NNT: variants seen among roughly 807,000 people sequenced by gnomAD.
NNT encodes NAD(P) transhydrogenase, mitochondrial.
A neutral mutation model predicts 104.8 loss-of-function variants in NNT; 50 were observed. The observed-to-expected ratio is 0.48, with a 90% CI of 0.38 to 0.60. The LOEUF (loss-of-function observed/expected upper bound fraction) is 0.60, where lower values mean the gene tolerates loss of function less well. Among genes scored for constraint, NNT ranks in the 20% least tolerant of loss-of-function variants. NNT has a pLI of 0.00. For synonymous variants in NNT, 461 were observed against 490.4 expected (o/e 0.94, Z 0.79); for missense variants, 1,131 against 1,330.7 (o/e 0.85, Z 2.33).
chr5:43,612,249 A>C (rs1749539598), intron 2 of NNT, among the ~76,000 whole-genome samples: 1 of 152,164 alleles, frequency 6.6e-6, no homozygotes, highest in Non-Finnish European at 1.5e-5. Flanking sequence ...TTGAGTAGTC[A>C]CTGGCCAACA....
intron 13 of NNT, among the ~76,000 whole-genome samples, chr5:43,652,108 A>T (rs1470249061): frequency 6.6e-6 from 1 of 152,222 alleles, no homozygotes; most frequent in Non-Finnish European, 1.5e-5. Flanking sequence ...GAGTTTAAAT[A>T]TGGGTTTATG....
chr5:43,616,125 C>A (rs543850648), intron 4 of NNT, 60 bp downstream of exon 4: 3 of 1,304,628 alleles, frequency 2.3e-6, no homozygotes, highest in Non-Finnish European at 2.2e-6. Flanking sequence ...AACCTTCACA[C>A]TGTAGCTCTT....
chr5:43,603,908 A>G (rs2111728550), intron 1 of NNT, among the ~76,000 whole-genome samples: 1 of 152,086 alleles, frequency 6.6e-6, no homozygotes, highest in East Asian at 1.9e-4. Context: ...GGAGGAAGAG[A>G]CAGCGGAGAG....
At chr5:43,616,167 G>A (rs950405169) in intron 4 of NNT, 102 bp downstream of exon 4, 2 of 984,846 alleles carry the variant, frequency 2.0e-6, no homozygotes, top group Admixed American at 2.6e-5. Flanking sequence ...TGTAATTATT[G>A]TTGGAGATTA....
chr5:43,697,850 C>T (rs955945324), intron 19 of NNT, among the ~76,000 whole-genome samples: 3 of 152,134 alleles, frequency 2.0e-5, no homozygotes, highest in African/African-American at 7.2e-5. Context: ...TTCACTATCA[C>T]GAGACCAGCA....
chr5:43,625,952 C>T (rs1283906064), intron 6 of NNT, among the ~76,000 whole-genome samples: 1 of 152,020 alleles, frequency 6.6e-6, no homozygotes, highest in East Asian at 1.9e-4. Context: ...AACAGTAGAT[C>T]ATGAAGATCT....
intron 19 of NNT, 149 bp from the exon 20 acceptor site, chr5:43,699,970 T>C (rs759956509): frequency 3.8e-6 from 2 of 531,056 alleles, no homozygotes; most frequent in Non-Finnish European, 6.8e-6. Flanking sequence ...ATATCTGGAC[T>C]ACTGCTGTTT....
chr5:43,704,972 C>T lies in NNT; in HGVS notation c.*568C>T, dbSNP rs1743040894. 2 of 152,222 alleles carry T rather than the reference C, an allele frequency of 1.3e-5. No individual in the cohort carries two copies. The highest frequency in any genetic ancestry group is 4.1e-4 in the South Asian group (2 of 4,836). 9.4% of individuals were successfully genotyped at this position (152,222 alleles called of 1,614,324 possible). A position where few individuals can be genotyped will look rare whatever the true frequency, so the allele number is the denominator to read the frequency against. On this transcript the variant is annotated 3_prime_UTR_variant, in exon 22 of 22. Transcript: ENST00000344920. ...TACTTCAGAGTCTATATTTCAAGGG[C>T]ACATTTTCTCACTACTATTTTAATA...
chr5:43,666,497 C>T (rs1162861413), intron 17 of NNT, among the ~76,000 whole-genome samples: 1 of 150,424 alleles, frequency 6.6e-6, no homozygotes, highest in Non-Finnish European at 1.5e-5. Context: ...CAGCCTGAGG[C>T]AGGAGAATCA....
intron 19 of NNT, among the ~76,000 whole-genome samples, chr5:43,684,957 A>G (rs903086885): frequency 3.3e-5 from 5 of 152,186 alleles, no homozygotes; most frequent in African/African-American, 1.2e-4. Flanking sequence ...CATACAAACA[A>G]AATTCCAAAG....
chr5:43,615,920 A>G lies in NNT; in HGVS notation c.454A>G (p.Ile152Val), dbSNP rs1475605052. ...CCTTTTAAAGACATCAGGAACGCTG[A>G]TTAGTTTTATTTACCCAGCCCAAAA... ...ADLLKTSGTL[I>V]SFIYPAQNPE... The change falls in exon 4 of 22, where the codon ATT becomes GTT. Residue 152 changes from isoleucine (I) to valine (V), a missense_variant. Ile to Val is a conservative substitution (Grantham distance 29). Transcript: ENST00000344920. 5.6e-6 allele frequency: 9 copies of G among 1,614,080 alleles called. No individual in the cohort carries two copies. Among genetic ancestry groups the G allele is most frequent in the Non-Finnish European group, 7.6e-6 (9 of 1,180,026 alleles).
At chr5:43,634,136 C>T (rs1002914652) in intron 7 of NNT, among the ~76,000 whole-genome samples, 48 of 152,134 alleles carry the variant, frequency 3.2e-4, no homozygotes, top group African/African-American at 1.1e-3. Context: ...AAATACACCC[C>T]TCAAAGGATG....
chr5:43,628,297 A>AT lies in NNT; in HGVS notation c.875dup (p.Met292IlefsTer7). 6.2e-7 allele frequency: 1 copy of AT among 1,614,056 alleles called. No homozygotes were observed. Among genetic ancestry groups the AT allele is most frequent in the Non-Finnish European group, 8.5e-7 (1 of 1,179,964 alleles). The stretch of plus-strand genomic sequence containing the variant: ...GGGACAAGGAGGATATGCAAAAGAG[A>AT]TGTCCAAAGAGTTCATTGAAGCTGA... On this transcript the variant is annotated frameshift_variant, in exon 7 of 22. Transcript: ENST00000344920. LOFTEE classifies it high-confidence loss of function.
chr5:43,705,199 C>T lies in NNT; in HGVS notation c.*795C>T, dbSNP rs1743052188. 1 of 152,122 alleles carries T rather than the reference C, an allele frequency of 6.6e-6. No individual in the cohort carries two copies. Among genetic ancestry groups the T allele is most frequent in the African/African-American group, 2.4e-5 (1 of 41,434 alleles). 9.4% of individuals were successfully genotyped at this position (152,122 alleles called of 1,614,324 possible). A position where few individuals can be genotyped will look rare whatever the true frequency, so the allele number is the denominator to read the frequency against. ...TTAAGTGCACTTGAGTGGAATTCAACATTTGACTAATAAAATGAGTTCATC... is the reference window on the plus strand; with the variant it reads ...TTAAGTGCACTTGAGTGGAATTCAATATTTGACTAATAAAATGAGTTCATC... On this transcript the variant is annotated 3_prime_UTR_variant, in exon 22 of 22. Transcript: ENST00000344920.
chr5:43,685,642 T>A (rs887510781), intron 19 of NNT, among the ~76,000 whole-genome samples: 1 of 152,170 alleles, frequency 6.6e-6, no homozygotes, highest in African/African-American at 2.4e-5. Flanking sequence ...TAATTAAACA[T>A]TCTTAATAGT....
At chr5:43,644,856 A>C (rs757598662) in intron 9 of NNT, 54 bp downstream of exon 9, 1 of 1,424,458 alleles carries the variant, frequency 7.0e-7, no homozygotes, top group Non-Finnish European at 9.5e-7. Context: ...TTGTTTTAGA[A>C]TTTCTGTTTA....
intron 7 of NNT, among the ~76,000 whole-genome samples, chr5:43,630,227 A>G (rs1162764050): frequency 6.6e-6 from 1 of 152,124 alleles, no homozygotes; most frequent in African/African-American, 2.4e-5. Flanking sequence ...TGCTTGATGT[A>G]TGTACAATAT....
At chr5:43,644,484 G>A in intron 8 of NNT, 127 bp from the exon 9 acceptor site, 2 of 1,126,262 alleles carry the variant, frequency 1.8e-6, no homozygotes, top group Non-Finnish European at 2.5e-6. Flanking sequence ...TTTGTTTATG[G>A]GTATGTATGT....
At chr5:43,651,310 C>G (rs1490904915) in intron 12 of NNT, among the ~76,000 whole-genome samples, 2 of 152,118 alleles carry the variant, frequency 1.3e-5, no homozygotes, top group Non-Finnish European at 2.9e-5. Flanking sequence ...GGCACGGTGG[C>G]TCACACCTGT....
Sources: gnomAD v4.1 joint callset for allele counts (sites outside exome capture counted in the v4.1 genomes callset) on GRCh38, gnomAD v4.1.1 for gene constraint, MANE v1.5 for transcripts, NCBI Gene and HGNC (gene_info 2026-07-23, HGNC 2026-07-21) for gene names.